The following MPPED2 variants were observed in gnomAD, a reference collection of about 807,000 sequenced individuals.
The protein encoded by MPPED2 is metallophosphoesterase domain containing 2, also known as metallophosphoesterase MPPED2.
MPPED2 carries 5 observed loss-of-function variants against 33.0 expected under a neutral mutation model. The ratio of observed to expected loss-of-function variants is 0.15; its 90% CI spans 0.08 to 0.32. The LOEUF is 0.32. Ranked by LOEUF, MPPED2 falls within the 10% of genes least tolerant of loss-of-function variation. MPPED2 has a pLI of 1.00. For missense variants in MPPED2, 275 were observed against 372.1 expected (o/e 0.74, Z 2.15); for synonymous variants, 136 against 141.9 (o/e 0.96, Z 0.29).
At chr11:30,481,123 A>C (rs1951466664) in intron 4 of MPPED2, among the ~76,000 whole-genome samples, 1 of 152,176 alleles carries the variant, frequency 6.6e-6, no homozygotes, top group Middle Eastern at 3.2e-3. Flanking sequence ...TTTAAGAATC[A>C]AAAGAATTAC....
chr11:30,431,411 A>G (rs983329611), intron 4 of MPPED2, among the ~76,000 whole-genome samples: 2 of 152,214 alleles, frequency 1.3e-5, no homozygotes, highest in African/African-American at 2.4e-5. Flanking sequence ...CTGTTTCCCA[A>G]TCTGTAAGAT....
At chr11:30,447,454 T>C (rs771732925) in intron 4 of MPPED2, among the ~76,000 whole-genome samples, 4 of 152,186 alleles carry the variant, frequency 2.6e-5, no homozygotes, top group Non-Finnish European at 4.4e-5. Context: ...AGGAAAGCAG[T>C]GGCCTGACAG....
chr11:30,406,122 G>A (rs1157981338), downstream of MPPED2, among the ~76,000 whole-genome samples: 1 of 152,172 alleles, frequency 6.6e-6, no homozygotes, highest in Admixed American at 6.6e-5. Flanking sequence ...TGGAATTGTT[G>A]CAGGTGGACG....
chr11:30,539,059 G>T (rs1393065100), intron 2 of MPPED2, among the ~76,000 whole-genome samples: 3 of 152,076 alleles, frequency 2.0e-5, no homozygotes, highest in Non-Finnish European at 4.4e-5. Flanking sequence ...TAGCAGAGTG[G>T]GCAAATTCCA....
At chr11:30,420,293 G>A (rs979610311) in intron 4 of MPPED2, among the ~76,000 whole-genome samples, 2 of 152,168 alleles carry the variant, frequency 1.3e-5, no homozygotes, top group Admixed American at 1.3e-4. Flanking sequence ...ACAGAAGAAG[G>A]AGACTAGGAG....
intron 4 of MPPED2, chr11:30,425,587 T>A (rs557649302): frequency 6.6e-6 from 1 of 152,256 alleles, no homozygotes; most frequent in East Asian, 1.9e-4. Flanking sequence ...AGAGGAAAGA[T>A]CATGGCAGGA....
chr11:30,468,326 G>A (rs1950807525), intron 4 of MPPED2, among the ~76,000 whole-genome samples: 2 of 151,520 alleles, frequency 1.3e-5, no homozygotes, highest in African/African-American at 4.9e-5. Flanking sequence ...GAACAAATGT[G>A]CACCTCTGCA....
At chr11:30,485,471 A>ATTTACACATGTTAC in intron 4 of MPPED2, among the ~76,000 whole-genome samples, 7 of 151,860 alleles carry the variant, frequency 4.6e-5, no homozygotes, top group South Asian at 2.1e-4. Context: ...CATGTGTAAC[A>ATTTACACATGTTAC]AGGTAAATAA....
At chr11:30,457,773 C>T (rs985098875) in intron 4 of MPPED2, among the ~76,000 whole-genome samples, 1 of 152,158 alleles carries the variant, frequency 6.6e-6, no homozygotes, top group East Asian at 1.9e-4. Flanking sequence ...ACAATATATG[C>T]TGTTTGGGTA....
chr11:30,472,597 T>C (rs929253019), intron 4 of MPPED2, among the ~76,000 whole-genome samples: 1 of 152,198 alleles, frequency 6.6e-6, no homozygotes, highest in Non-Finnish European at 1.5e-5. Context: ...AGAAAGGAAA[T>C]TCTAACACAT....
At chr11:30,423,342 C>T (rs1948694652) in intron 4 of MPPED2, among the ~76,000 whole-genome samples, 1 of 152,176 alleles carries the variant, frequency 6.6e-6, no homozygotes, top group Admixed American at 6.5e-5. Flanking sequence ...AGGTCCTGAG[C>T]TGGCTGCATC....
intron 3 of MPPED2, among the ~76,000 whole-genome samples, chr11:30,516,929 C>G (rs761525298): frequency 3.3e-5 from 5 of 152,206 alleles, no homozygotes; most frequent in African/African-American, 4.8e-5. Flanking sequence ...CCAATGGATG[C>G]AAATGTGGAA....
At chr11:30,435,035 C>T (rs1949263581) in intron 4 of MPPED2, among the ~76,000 whole-genome samples, 2 of 152,162 alleles carry the variant, frequency 1.3e-5, no homozygotes, top group South Asian at 4.1e-4. Context: ...TTCTCTGGGG[C>T]CAGGACAATG....
intron 4 of MPPED2, among the ~76,000 whole-genome samples, chr11:30,482,588 A>G (rs1951538170): frequency 6.6e-6 from 1 of 152,060 alleles, no homozygotes; most frequent in African/African-American, 2.4e-5. Context: ...TTCTACTGTT[A>G]CTTGTAGAAA....
At chr11:30,496,586 G>A (rs929181545) in intron 3 of MPPED2, among the ~76,000 whole-genome samples, 1 of 151,920 alleles carries the variant, frequency 6.6e-6, no homozygotes, top group Non-Finnish European at 1.5e-5. Context: ...GCTATTCCAG[G>A]AAGAATTAAA....
intron 4 of MPPED2, among the ~76,000 whole-genome samples, chr11:30,476,741 A>G (rs578103158): frequency 6.6e-6 from 1 of 152,156 alleles, no homozygotes; most frequent in East Asian, 1.9e-4. Flanking sequence ...ATTTTCAAAA[A>G]ATATTACAAT....
chr11:30,551,167 AC>A (rs2067153976), intron 2 of MPPED2, among the ~76,000 whole-genome samples: 1 of 152,066 alleles, frequency 6.6e-6, no homozygotes, highest in Non-Finnish European at 1.5e-5. Flanking sequence ...ATACTTCCTA[AC>A]CCCCAGTAAT....
chr11:30,404,340 A>C (rs1947955965), intron 6 of MPPED2, among the ~76,000 whole-genome samples: 1 of 152,258 alleles, frequency 6.6e-6, no homozygotes, highest in Non-Finnish European at 1.5e-5. Flanking sequence ...TGATGCATGC[A>C]AAAGCATTTG....
chr11:30,432,168 CAA>C (rs34934978), intron 4 of MPPED2, among the ~76,000 whole-genome samples: 17,883 of 142,006 alleles, frequency 0.13, 1,413 homozygotes, highest in East Asian at 0.25. Flanking sequence ...GATTCTGTCT[CAA>C]AAAAAAAAAA....
Sources: gnomAD v4.1 joint callset for allele counts (sites outside exome capture counted in the v4.1 genomes callset) on GRCh38, gnomAD v4.1.1 for gene constraint, MANE v1.5 for transcripts, NCBI Gene and HGNC (gene_info 2026-07-23, HGNC 2026-07-21) for gene names.